Variants in EPB41L4A observed in about 807,000 individuals in gnomAD.
EPB41L4A encodes the protein band 4.1-like protein 4A.
A neutral mutation model predicts 108.6 loss-of-function variants in EPB41L4A; 100 were observed. The observed-to-expected ratio is 0.92, with a 90% CI of 0.78 to 1.09. EPB41L4A has a LOEUF of 1.09. EPB41L4A is among the 50% of genes least tolerant of loss of function. EPB41L4A has a pLI of 0.00. For missense variants in EPB41L4A, 1,030 were observed against 842.7 expected (o/e 1.22, Z -2.75); for synonymous variants, 319 against 289.0 (o/e 1.10, Z -1.05).
chr5:112,153,811 T>C (rs989983510), intron 12 of EPB41L4A, among the ~76,000 whole-genome samples: 2 of 151,218 alleles, frequency 1.3e-5, no homozygotes, highest in Non-Finnish European at 3.0e-5. Flanking sequence ...AGTAACCACC[T>C]ATTATGACCC....
chr5:112,239,385 A>G (rs1561500840), intron 11 of EPB41L4A, among the ~76,000 whole-genome samples: 1 of 152,216 alleles, frequency 6.6e-6, no homozygotes, highest in African/African-American at 2.4e-5. Context: ...ATAATTAAAA[A>G]TAAGTGATAA....
At chr5:112,366,858 G>C (rs980711242) in intron 1 of EPB41L4A, among the ~76,000 whole-genome samples, 9 of 152,140 alleles carry the variant, frequency 5.9e-5, no homozygotes, top group African/African-American at 1.7e-4. Context: ...ACTGTACTAT[G>C]AACTCCTCAA....
rs568855344 is a variant in EPB41L4A, at chr5:112,185,345, C to A, written c.1503-1210G>T. 4.6e-5 allele frequency among the ~76,000 whole-genome samples: 7 copies of A among 152,290 alleles called. No homozygotes were observed. In the East Asian group the frequency reaches 1.3e-3, roughly 29 times the overall value. On this transcript the variant is annotated intron_variant, in intron 17 of 22. Transcript: ENST00000261486. ...ATGTCTTTTGGTTCCTCTGTTATTGCACTTAGTATAGACTGTGGGCTGGAT... is the reference window on the plus strand; with the variant it reads ...ATGTCTTTTGGTTCCTCTGTTATTGAACTTAGTATAGACTGTGGGCTGGAT...
chr5:112,347,986 T>C (rs988393345), intron 1 of EPB41L4A, among the ~76,000 whole-genome samples: 11 of 152,228 alleles, frequency 7.2e-5, no homozygotes, highest in African/African-American at 2.4e-4. Flanking sequence ...TTACCATATC[T>C]GCACTGTTTA....
At chr5:112,249,585 C>T (rs898949834) in intron 9 of EPB41L4A, 65 of 152,210 alleles carry the variant, frequency 4.3e-4, no homozygotes, top group African/African-American at 1.4e-3. Context: ...TTTTTTCATG[C>T]TCTCTTTTCT....
chr5:112,157,148 G>GAA lies in EPB41L4A; in HGVS notation n.994+1251_994+1252dup, dbSNP rs201797065. Among the ~76,000 whole-genome samples the GAA allele has an allele frequency of 3.4e-3, 463 of 137,292 alleles. 2 individuals carry two copies. The highest frequency in any genetic ancestry group is 5.7e-3 in the Admixed American group (78 of 13,718). 90.1% of individuals were successfully genotyped at this position (137,292 alleles called of 152,430 possible). A position where few individuals can be genotyped will look rare whatever the true frequency, so the allele number is the denominator to read the frequency against. On this transcript the variant is annotated intron_variant and non_coding_transcript_variant, in intron 12 of 13. Transcript: ENST00000507810. ...GTGCAAAGGTACATCCATGCAAAAAGAAAAAAAAAAAACAACCTGATCTAT... is the reference window on the plus strand; with the variant it reads ...GTGCAAAGGTACATCCATGCAAAAAGAAAAAAAAAAAAAACAACCTGATCTAT...
chr5:112,329,061 G>A (rs752523000), intron 1 of EPB41L4A, among the ~76,000 whole-genome samples: 6 of 152,206 alleles, frequency 3.9e-5, no homozygotes, highest in Non-Finnish European at 7.3e-5. Context: ...TGTGCAGTCC[G>A]ATACGGTAGC....
chr5:112,345,688 T>TA (rs1561591012), intron 1 of EPB41L4A, among the ~76,000 whole-genome samples: 1 of 151,910 alleles, frequency 6.6e-6, no homozygotes, highest in Non-Finnish European at 1.5e-5. Flanking sequence ...CATGTGTGTG[T>TA]ACGTGTGTGT....
intron 1 of EPB41L4A, among the ~76,000 whole-genome samples, chr5:112,320,976 T>C (rs112717621): frequency 4.4e-3 from 669 of 152,236 alleles, no homozygotes; most frequent in Non-Finnish European, 7.9e-3. Flanking sequence ...GGGCCAAAAG[T>C]AAATGACTTC....
In EPB41L4A at chr5:112,275,352, T is replaced by C. The variant is rs745648092; in HGVS notation, c.309A>G (p.Pro103=). The change falls in exon 4 of 23, where the codon CCA becomes CCG. Residue 103 remains proline (P), a synonymous_variant. Coordinates refer to ENST00000261486, the MANE Select transcript of EPB41L4A (RefSeq NM_022140.5). ...YFGIKFYAED[P]CKLKEEITRY... is the part of the protein sequence containing the mutation. ...TGGTTATTTCTTCTTTAAGTTTACA[T>C]GGATCTTCAGCATAGAATTTAATAC... is the stretch of plus-strand genomic sequence containing the variant. 7 of 1,556,096 alleles carry C rather than the reference T, an allele frequency of 4.5e-6. No homozygotes were observed. Among genetic ancestry groups the C allele is most frequent in the African/African-American group, 1.4e-5 (1 of 73,552 alleles).
At chr5:112,372,427 C>A (rs1247512368) in intron 1 of EPB41L4A, among the ~76,000 whole-genome samples, 1 of 152,128 alleles carries the variant, frequency 6.6e-6, no homozygotes, top group Non-Finnish European at 1.5e-5. Context: ...TGGGTGGGGA[C>A]AGAGAGCCAA....
At position 112,278,630 on chromosome 5, in the gene EPB41L4A, C is replaced by T. The variant is rs1259238412; in HGVS notation, c.256+1642G>A. On this transcript the variant is annotated intron_variant, in intron 3 of 22. Transcript: ENST00000261486. ...TGATACTTAAATAAAATATTTCATACCATGTAAATAAGTAGACACTTTAAA... is the reference window on the plus strand; with the variant it reads ...TGATACTTAAATAAAATATTTCATATCATGTAAATAAGTAGACACTTTAAA... 4.6e-5 allele frequency among the ~76,000 whole-genome samples: 7 copies of T among 151,948 alleles called. No homozygotes were observed. The East Asian group carries it at 1.2e-3, about 25-fold the overall frequency.
In EPB41L4A at chr5:112,375,325, A is replaced by G. The variant is rs549940437; in HGVS notation, c.99+43616T>C. Among the ~76,000 whole-genome samples the G allele has an allele frequency of 7.4e-3, 988 of 134,236 alleles. 13 individuals are homozygous for G. Among genetic ancestry groups the G allele is most frequent in the African/African-American group, 0.037 (937 of 25,552 alleles). 88.1% of individuals were successfully genotyped at this position (134,236 alleles called of 152,430 possible). On this transcript the variant is annotated intron_variant, in intron 1 of 22. Coordinates refer to ENST00000261486, the MANE Select transcript of EPB41L4A (RefSeq NM_022140.5). Reference sequence around the variant, plus strand: ...CAAGGTCAGTCTCTCTCTCTCTCGCACACACACACATACACACACACACAC... The same window carrying G: ...CAAGGTCAGTCTCTCTCTCTCTCGCGCACACACACATACACACACACACAC...
intron 12 of EPB41L4A, among the ~76,000 whole-genome samples, chr5:112,149,617 G>A (rs1043101460): frequency 6.6e-6 from 1 of 152,132 alleles, no homozygotes; most frequent in Admixed American, 6.6e-5. Flanking sequence ...GTTTTTCAAG[G>A]AACAAATTGA....
At chr5:112,388,364 C>T (rs933893108) in intron 1 of EPB41L4A, among the ~76,000 whole-genome samples, 1 of 152,130 alleles carries the variant, frequency 6.6e-6, no homozygotes, top group African/African-American at 2.4e-5. Flanking sequence ...GCAGACCTAC[C>T]CACCTGGCCC....
intron 12 of EPB41L4A, among the ~76,000 whole-genome samples, chr5:112,153,493 C>T (rs1209633190): frequency 2.7e-5 from 4 of 149,704 alleles, no homozygotes; most frequent in Non-Finnish European, 4.4e-5. Flanking sequence ...AGCGCCACTG[C>T]ACTCCAGCCA....
intron 2 of EPB41L4A, among the ~76,000 whole-genome samples, chr5:112,306,466 T>G (rs1433937077): frequency 6.6e-6 from 1 of 152,122 alleles, no homozygotes; most frequent in Non-Finnish European, 1.5e-5. Flanking sequence ...AAGTCACAAG[T>G]GATCACCATC....
chr5:112,388,567 T>C (rs796180921), intron 1 of EPB41L4A, among the ~76,000 whole-genome samples: 1 of 152,090 alleles, frequency 6.6e-6, no homozygotes, highest in African/African-American at 2.4e-5. Flanking sequence ...CGAGAGAGAA[T>C]GGGAGAGTCA....
downstream of EPB41L4A, among the ~76,000 whole-genome samples, chr5:112,159,064 A>G (rs1235518803): frequency 6.6e-6 from 1 of 152,174 alleles, no homozygotes; most frequent in South Asian, 2.1e-4. Context: ...TTCTTGTAAT[A>G]ATTATACATT....
Sources: gnomAD v4.1 joint callset for allele counts (sites outside exome capture counted in the v4.1 genomes callset) on GRCh38, gnomAD v4.1.1 for gene constraint, MANE v1.5 for transcripts, NCBI Gene and HGNC (gene_info 2026-07-23, HGNC 2026-07-21) for gene names.